SPAG16: variants seen among roughly 807,000 people sequenced by gnomAD.
SPAG16 encodes the protein sperm-associated antigen 16 protein.
In SPAG16, 86 loss-of-function variants were observed where a neutral mutation model predicts 80.4. That is an observed-to-expected ratio of 1.07 (90% CI 0.90 to 1.28). The LOEUF (loss-of-function observed/expected upper bound fraction) is 1.28, where lower values mean the gene tolerates loss of function less well. SPAG16 is among the 50% of genes most tolerant of loss of function. The pLI, the probability that SPAG16 is intolerant of heterozygous loss-of-function variation, is 0.00. For synonymous variants in SPAG16, 294 were observed against 265.9 expected, an observed-to-expected ratio of 1.11 and a Z score of -1.03; for missense variants, 870 against 765.3, an observed-to-expected ratio of 1.14 and a Z score of -1.61.
chr2:213,729,884 A>C (rs1218767021), intron 10 of SPAG16, among the ~76,000 whole-genome samples: 1 of 152,180 alleles, frequency 6.6e-6, no homozygotes, highest in African/African-American at 2.4e-5. Context: ...GGCAGTGACC[A>C]AGTCCTCTAT....
chr2:213,997,665 G>A (rs1484031572), intron 12 of SPAG16, among the ~76,000 whole-genome samples: 3 of 152,056 alleles, frequency 2.0e-5, no homozygotes, highest in African/African-American at 7.2e-5. Flanking sequence ...CAATCTTTTG[G>A]CTTCCCCAGG....
chr2:214,239,556 C>T (rs1247466979), intron 15 of SPAG16: 1 of 152,144 alleles, frequency 6.6e-6, no homozygotes, highest in African/African-American at 2.4e-5. Flanking sequence ...AATGTAAACA[C>T]TCATCTTAAA....
At chr2:214,125,385 T>A (rs2054423939) in intron 14 of SPAG16, among the ~76,000 whole-genome samples, 1 of 151,798 alleles carries the variant, frequency 6.6e-6, no homozygotes. Context: ...TTTTCTATCA[T>A]GTTATGTTTT....
intron 14 of SPAG16, among the ~76,000 whole-genome samples, chr2:214,133,290 G>A (rs977612348): frequency 1.1e-4 from 16 of 152,090 alleles, no homozygotes; most frequent in South Asian, 2.1e-4. Flanking sequence ...TTCTAGTTGC[G>A]AAATCAAAGA....
intron 12 of SPAG16, among the ~76,000 whole-genome samples, chr2:214,004,364 G>A (rs768189737): frequency 5.3e-5 from 8 of 152,092 alleles, no homozygotes; most frequent in Non-Finnish European, 1.2e-4. Context: ...CAAAGTGTTG[G>A]TCACTGTAAA....
At chr2:213,871,879 C>CAG (rs113290584) in intron 11 of SPAG16, among the ~76,000 whole-genome samples, 6 of 35,326 alleles carry the variant, frequency 1.7e-4, no homozygotes, top group African/African-American at 5.2e-4. Context: ...CACACACACA[C>CAG]AGAGAGAGAG....
rs2062923840 is a variant in SPAG16, at chr2:213,648,899, G to A, written c.1070+158809G>A. On this transcript the variant is annotated intron_variant, in intron 10 of 15. Coordinates refer to ENST00000331683, the MANE Select transcript of SPAG16 (RefSeq NM_024532.5). ...GGTTGCCTAATCCTGTGGCCACAAT[G>A]AAAGGATATGGCTGACAGACCCTAC... Among the ~76,000 whole-genome samples, 2 of 152,228 alleles carry A rather than the reference G, an allele frequency of 1.3e-5. 1 individual carries two copies. The highest frequency in any genetic ancestry group is 4.2e-4 in the South Asian group (2 of 4,818).
intron 14 of SPAG16, among the ~76,000 whole-genome samples, chr2:214,117,092 T>A (rs2053968710): frequency 6.6e-6 from 1 of 152,156 alleles, no homozygotes; most frequent in African/African-American, 2.4e-5. Context: ...GTTTTAAGGA[T>A]GCTCCTCAAA....
chr2:214,368,198 A>G (rs1699604693), intron 15 of SPAG16, among the ~76,000 whole-genome samples: 1 of 151,966 alleles, frequency 6.6e-6, no homozygotes, highest in Admixed American at 6.6e-5. Flanking sequence ...CGCACTAGTT[A>G]TATGTTTCTT....
intron 9 of SPAG16, among the ~76,000 whole-genome samples, chr2:213,474,004 G>T (rs183785462): frequency 6.4e-4 from 97 of 152,304 alleles, no homozygotes; most frequent in African/African-American, 2.3e-3. Context: ...GCTTCAGGCA[G>T]CACAGGGTTT....
At chr2:213,374,402 A>T (rs2066787065) in intron 8 of SPAG16, among the ~76,000 whole-genome samples, 1 of 152,234 alleles carries the variant, frequency 6.6e-6, no homozygotes, top group South Asian at 2.1e-4. Flanking sequence ...TTAGAAATAC[A>T]AGTGGAAATA....
At chr2:213,491,287 C>T (rs1383649127) in intron 10 of SPAG16, among the ~76,000 whole-genome samples, 1 of 152,150 alleles carries the variant, frequency 6.6e-6, no homozygotes, top group Non-Finnish European at 1.5e-5. Flanking sequence ...GTTTGGAATT[C>T]TACACAATAT....
At chr2:213,382,362 T>C (rs1178894099) in intron 9 of SPAG16, among the ~76,000 whole-genome samples, 2 of 152,222 alleles carry the variant, frequency 1.3e-5, no homozygotes, top group Non-Finnish European at 2.9e-5. Context: ...ATGAACATAG[T>C]AGGAGCTAAC....
rs2078170936 is a variant in SPAG16 at position 213,920,544 on chromosome 2, G to T, written c.1215-9416G>T. The stretch of plus-strand genomic sequence containing the variant: ...AATAGGCAGGCTGGTGTGTGGCCAT[G>T]GGGGCTGCCCCATTGGACCTCTCTG... On this transcript the variant is annotated intron_variant, in intron 11 of 15. Transcript: ENST00000331683. Among the ~76,000 whole-genome samples the T allele has an allele frequency of 3.3e-5, 5 of 152,168 alleles. No individual in the cohort carries two copies. The South Asian group carries it at 1.0e-3, about 32-fold the overall frequency.
At position 214,081,228 on chromosome 2, in the gene SPAG16, T is replaced by G. The variant is rs546273186; in HGVS notation, c.1528-26968T>G. 9.2e-5 allele frequency among the ~76,000 whole-genome samples: 14 copies of G among 152,098 alleles called. 1 individual carries two copies. The highest frequency in any genetic ancestry group is 1.9e-4 in the Non-Finnish European group (13 of 68,018). ...TAACATACTTCCAGAAGTAGGATCA[T>G]ACCAAGACTCCAAGCCGCATTAGCC... On this transcript the variant is annotated intron_variant, in intron 13 of 15. Coordinates refer to ENST00000331683, the MANE Select transcript of SPAG16 (RefSeq NM_024532.5).
At chr2:213,484,785 T>C (rs2073904990) in intron 9 of SPAG16, among the ~76,000 whole-genome samples, 1 of 152,210 alleles carries the variant, frequency 6.6e-6, no homozygotes. Flanking sequence ...GTTGATATTT[T>C]GACTTGAATT....
rs398102334 is a variant in SPAG16, at chr2:213,734,718, T to G, written c.1071-127767T>G. 5.8e-3 allele frequency among the ~76,000 whole-genome samples: 21 copies of G among 3,642 alleles called. No homozygotes were observed. In the Non-Finnish European group the frequency reaches 0.19, roughly 33 times the overall value. 2.4% of individuals were successfully genotyped at this position (3,642 alleles called of 152,430 possible). A position where few individuals can be genotyped will look rare whatever the true frequency, so the allele number is the denominator to read the frequency against. The stretch of plus-strand genomic sequence containing the variant: ...TCATTTTATGTAGACTTGGACATGT[T>G]TTTTTTTGGTATGAACATGAATTTC... On this transcript the variant is annotated intron_variant, in intron 10 of 15. Coordinates refer to ENST00000331683, the MANE Select transcript of SPAG16 (RefSeq NM_024532.5).
chr2:214,343,955 C>T (rs575741823), intron 15 of SPAG16, among the ~76,000 whole-genome samples: 137 of 152,154 alleles, frequency 9.0e-4, no homozygotes, highest in Non-Finnish European at 1.6e-3. Flanking sequence ...CAAACTCAAC[C>T]ATATGCGAAT....
intron 10 of SPAG16, among the ~76,000 whole-genome samples, chr2:213,830,140 G>A (rs534552783): frequency 1.2e-3 from 182 of 152,252 alleles, no homozygotes; most frequent in Middle Eastern, 6.8e-3. Context: ...CCCCAGAGCC[G>A]TTTAGCCCTC....
Sources: allele counts gnomAD v4.1 joint callset (sites outside exome capture counted in the v4.1 genomes callset), GRCh38; gene constraint gnomAD v4.1.1; transcripts MANE v1.5; gene names NCBI Gene and HGNC (gene_info 2026-07-23, HGNC 2026-07-21).